The following APOH variants were observed in gnomAD, a reference collection of about 807,000 sequenced individuals.
APOH encodes the protein apolipoprotein H, also known as beta-2-glycoprotein 1.
APOH carries 48 observed loss-of-function variants against 39.8 expected under a neutral mutation model. That is an observed-to-expected ratio of 1.21 (90% CI 0.96 to 1.54). The LOEUF is 1.54. APOH is among the 40% of genes most tolerant of loss of function. The pLI, the probability that APOH is intolerant of heterozygous loss-of-function variation, is 0.00. For missense variants in APOH, 415 were observed against 421.2 expected (o/e 0.99, Z 0.13); for synonymous variants, 153 against 151.1 (o/e 1.01, Z -0.09).
chr17:66,214,209 G>A (rs528887621), intron 7 of APOH, among the ~76,000 whole-genome samples: 134 of 152,066 alleles, frequency 8.8e-4, no homozygotes, highest in Non-Finnish European at 1.6e-3. Flanking sequence ...ACAGGCACCC[G>A]GCACCACAGC....
chr17:66,227,978 T>A (rs777250492), intron 2 of APOH, 42 bp downstream of exon 2: 1 of 1,581,498 alleles, frequency 6.3e-7, no homozygotes, highest in East Asian at 2.2e-5. Flanking sequence ...ATACCCAGAA[T>A]CCAAATGAGG....
At chr17:66,221,215 G>GAAATAAATAAATAAAT (rs756081043) in intron 4 of APOH, among the ~76,000 whole-genome samples, 1 of 130,164 alleles carries the variant, frequency 7.7e-6, no homozygotes, top group South Asian at 2.6e-4. Context: ...AAGAAGGAAG[G>GAAATAAATAAATAAAT]AAATAAATAA....
chr17:66,225,424 C>A (rs1007014455), intron 3 of APOH, among the ~76,000 whole-genome samples: 3 of 152,184 alleles, frequency 2.0e-5, no homozygotes, highest in African/African-American at 4.8e-5. Context: ...CCATAGAATT[C>A]TCTTCTAGAG....
rs8178915 is a variant in APOH at position 66,223,088 on chromosome 17, C to T, written c.415+610G>A. The stretch of plus-strand genomic sequence containing the variant: ...TGCTTTTTGGAGGAATGCCAATCAG[C>T]TCCTAGGATGCAAGCCCCTTTGATG... On this transcript the variant is annotated intron_variant, in intron 4 of 7. Transcript: ENST00000205948. Among the ~76,000 whole-genome samples, 231 of 152,286 alleles carry T rather than the reference C, an allele frequency of 1.5e-3. 3 individuals carry two copies. The highest frequency in any genetic ancestry group is 5.4e-3 in the African/African-American group (223 of 41,552).
In APOH at chr17:66,220,591, C is replaced by T. The variant is rs141173379; in HGVS notation, c.567G>A (p.Thr189=). Residue 189 remains threonine (T), a synonymous_variant, in exon 5 of 8, where the codon ACG becomes ACA. Transcript: ENST00000205948. ...AMFGNDTITC[T]THGNWTKLPE... is the part of the protein sequence containing the mutation. ...GTAATTTAGTCCAATTTCCATGTGTCGTGCAGGTAATTGTATCATTTCCAA... is the reference window on the plus strand; with the variant it reads ...GTAATTTAGTCCAATTTCCATGTGTTGTGCAGGTAATTGTATCATTTCCAA... 377 of 1,614,152 alleles carry T rather than the reference C, an allele frequency of 2.3e-4. 1 individual carries two copies. Among genetic ancestry groups the T allele is most frequent in the East Asian group, 1.5e-3 (67 of 44,886 alleles).
chr17:66,224,774 AAAGG>A (rs1443935003), intron 3 of APOH, among the ~76,000 whole-genome samples: 1 of 150,542 alleles, frequency 6.6e-6, no homozygotes, highest in African/African-American at 2.4e-5. Flanking sequence ...AAAGGAAAGG[AAAGG>A]AAAGGAGCAG....
In APOH at chr17:66,220,748, A is replaced by C. The variant is rs181936071; in HGVS notation, c.416-6T>G. On this transcript the variant is annotated splice_polypyrimidine_tract_variant and splice_region_variant and intron_variant, in intron 4 of 7. Coordinates refer to ENST00000205948, the MANE Select transcript of APOH (RefSeq NM_000042.3). ...TGGTGGAGGGCAGATGATGGCTGGG[A>C]AAATAAAGAACTATCATTTCTATGA... 455 of 1,601,168 alleles carry C rather than the reference A, an allele frequency of 2.8e-4. 7 individuals carry two copies. In the East Asian group the frequency reaches 9.0e-3, roughly 32 times the overall value.
chr17:66,226,895 ATTTTTT>A (rs748060781), intron 2 of APOH, among the ~76,000 whole-genome samples: 1 of 108,018 alleles, frequency 9.3e-6, no homozygotes, highest in Non-Finnish European at 1.8e-5. Flanking sequence ...TTATTTATTT[ATTTTTT>A]TTTTTGAGAC....
At chr17:66,221,147 C>T (rs1336619221) in intron 4 of APOH, among the ~76,000 whole-genome samples, 4 of 150,926 alleles carry the variant, frequency 2.7e-5, no homozygotes, top group African/African-American at 7.3e-5. Flanking sequence ...GAGCCAAAAT[C>T]GCACCACTGC....
Position 66,212,171 on chromosome 17 carries a change from A to C in APOH, c.1000T>G (p.Phe334Val), listed in dbSNP as rs2073339901. The C allele has an allele frequency of 6.2e-7, 1 of 1,613,838 alleles. No individual in the cohort carries two copies. The highest frequency in any genetic ancestry group is 1.3e-5 in the African/African-American group (1 of 74,928). ...ACATCGGATGCATCAGTTTTCCAAA[A>C]AGCCAGAGAACTGTGTTCTGTTGGG... ...KCFKEHSSLA[F>V]WKTDASDVKP... Residue 334 changes from phenylalanine to valine, a missense_variant, in exon 8 of 8, where the codon TTT becomes GTT. Transcript: ENST00000205948.
chr17:66,219,298 G>A (rs370655400), intron 5 of APOH, among the ~76,000 whole-genome samples: 11 of 152,148 alleles, frequency 7.2e-5, no homozygotes, highest in East Asian at 1.9e-4. Flanking sequence ...GGCAAGTATC[G>A]TAATATATAC....
In APOH at chr17:66,228,050, G is replaced by T. The variant is rs780689357; in HGVS notation, c.211C>A (p.Leu71Met). 2 of 1,614,034 alleles carry T rather than the reference G, an allele frequency of 1.2e-6. No individual in the cohort carries two copies. Among genetic ancestry groups the T allele is most frequent in the African/African-American group, 2.7e-5 (2 of 74,922 alleles). Residue 71 changes from leucine (L) to methionine (M), a missense_variant, in exon 2 of 8, where the codon CTG (leucine) becomes ATG (methionine). By Grantham distance (15) the Leu-to-Met change is conservative (BLOSUM62 2). This residue lies in a region of APOH where 288 missense variants were observed against 284.9 expected (regional missense o/e 1.01). Transcript: ENST00000205948. ...MRKFICPLTG[L>M]WPINTLKCTP... ...CATTTCAGAGTGTTGATGGGCCACA[G>T]TCCTGTGAGAGGGCAGATAAACTTT...
chr17:66,222,660 C>T (rs1163913427), intron 4 of APOH, among the ~76,000 whole-genome samples: 1 of 151,136 alleles, frequency 6.6e-6, no homozygotes, highest in Non-Finnish European at 1.5e-5. Flanking sequence ...CAACCTCCGC[C>T]TCCCGGGTTC....
chr17:66,212,070 A>C lies in APOH; in HGVS notation c.*63T>G. On this transcript the variant is annotated 3_prime_UTR_variant, in exon 8 of 8. Transcript: ENST00000205948. Reference sequence around the variant, plus strand: ...TTCAGTAGCTTTATTTTTAAATTTCAATTAGGTTCCTTGGATGAACAAGAA... The same window carrying C: ...TTCAGTAGCTTTATTTTTAAATTTCCATTAGGTTCCTTGGATGAACAAGAA... 1 of 1,400,388 alleles carries C rather than the reference A, an allele frequency of 7.1e-7. No individual in the cohort carries two copies. Among genetic ancestry groups the C allele is most frequent in the South Asian group, 1.2e-5 (1 of 85,164 alleles). 86.7% of individuals were successfully genotyped at this position (1,400,388 alleles called of 1,614,324 possible).
intron 4 of APOH, among the ~76,000 whole-genome samples, chr17:66,221,658 G>A (rs939314949): frequency 1.3e-5 from 2 of 152,092 alleles, no homozygotes; most frequent in Non-Finnish European, 2.9e-5. Context: ...GTTTGGGAAT[G>A]AGTTCCATTA....
intron 4 of APOH, among the ~76,000 whole-genome samples, chr17:66,221,966 G>T (rs951867315): frequency 6.6e-6 from 1 of 152,176 alleles, no homozygotes; most frequent in African/African-American, 2.4e-5. Flanking sequence ...CCCACTGCAG[G>T]TGCCTGAATC....
At chr17:66,216,988 G>C in intron 5 of APOH, 21 bp from the exon 6 acceptor site, 1 of 1,551,478 alleles carries the variant, frequency 6.4e-7, no homozygotes, top group South Asian at 1.2e-5. Context: ...TATTCAATAA[G>C]ACATATTAGT....
rs143768253 is a variant in APOH at position 66,221,400 on chromosome 17, G to GA, written c.416-659dup. On this transcript the variant is annotated intron_variant, in intron 4 of 7. Transcript: ENST00000205948. ...GGGAGGGAGGAAGGAAGGAAGGAAG[G>GA]AAGGAAGGAAGGAAGGAAGGAAGGA... 9.4e-3 allele frequency among the ~76,000 whole-genome samples: 646 copies of GA among 68,406 alleles called. 9 individuals carry two copies. Among genetic ancestry groups the GA allele is most frequent in the African/African-American group, 0.015 (157 of 10,226 alleles). The allele number at this position is 68,406 out of a possible 152,430, so 44.9% of individuals were successfully genotyped here. A position where few individuals can be genotyped will look rare whatever the true frequency, so the allele number is the denominator to read the frequency against.
At chr17:66,224,577 AAGGG>A (rs1343009604) in intron 3 of APOH, among the ~76,000 whole-genome samples, 1 of 145,492 alleles carries the variant, frequency 6.9e-6, no homozygotes, top group Non-Finnish European at 1.5e-5. Flanking sequence ...AGACGGAAGG[AAGGG>A]AGGGAGGGAA....
Sources: allele counts gnomAD v4.1 joint callset (sites outside exome capture counted in the v4.1 genomes callset), GRCh38; gene constraint gnomAD v4.1.1; regional missense constraint gnomAD v4.1.1; transcripts MANE v1.5; gene names NCBI Gene and HGNC (gene_info 2026-07-23, HGNC 2026-07-21).